The following MAN2C1 variants were observed in gnomAD, a reference collection of about 807,000 sequenced individuals.
MAN2C1 encodes the protein mannosidase alpha class 2C member 1, also known as alpha-mannosidase 2C1.
Under a neutral mutation model 126.9 loss-of-function variants are expected in MAN2C1, and 111 were observed. The ratio of observed to expected loss-of-function variants is 0.87; its 90% CI spans 0.75 to 1.02. The LOEUF (loss-of-function observed/expected upper bound fraction) is 1.02. Among genes scored for constraint, MAN2C1 ranks in the 50% least tolerant of loss-of-function variants. MAN2C1 has a pLI of 0.00. For synonymous variants in MAN2C1, 567 were observed against 561.5 expected, an observed-to-expected ratio of 1.01 and a Z score of -0.14; for missense variants, 1,363 against 1,364.4, an observed-to-expected ratio of 1.00 and a Z score of 0.02.
rs754801214 is a variant in MAN2C1 at position 75,361,805 on chromosome 15, G to C, written c.1101+50C>G. 9 of 1,599,610 alleles carry C rather than the reference G, an allele frequency of 5.6e-6. 1 individual carries two copies. In the South Asian group the frequency reaches 9.9e-5, roughly 18 times the overall value. On this transcript the variant is annotated intron_variant, in intron 9 of 25. Transcript: ENST00000267978. This position sits in a 1 kb window ranked among gnomAD's most constrained non-coding sequence, Gnocchi z 5.0. ...CCTCAGCCCCTCAGCACTCCAAGTC[G>C]AGCGCCAGCCCCACTCGCCCACAGC...
Position 75,359,068 on chromosome 15 carries a change from G to T in MAN2C1, c.2132C>A (p.Ala711Asp). 1 of 1,613,778 alleles carries T rather than the reference G, an allele frequency of 6.2e-7. No individual in the cohort carries two copies. Among genetic ancestry groups the T allele is most frequent in the East Asian group, 2.2e-5 (1 of 44,898 alleles). The change falls in exon 18 of 26, where the codon GCC (alanine) becomes GAC (aspartate). Residue 711 changes from alanine to aspartate, a missense_variant. Transcript: ENST00000267978. ...TGRLTSLVLV[A>D]SGREAIAEGA... is the part of the protein sequence containing the mutation. The stretch of plus-strand genomic sequence containing the variant: ...AATGAGGATTTGGCACCTGCCAGAG[G>T]CCACCAGGACCAAGGACGTCAGGCG...
chr15:75,359,744 G>A lies in MAN2C1; in HGVS notation c.1824C>T (p.Ser608=), dbSNP rs183686045. Residue 608 remains serine, a synonymous_variant, in exon 16 of 26, where the codon AGC becomes AGT. Transcript: ENST00000267978. ...DIRSHGNTLL[S]AAAAALCAGE... is the part of the protein sequence containing the mutation. ...CAGCACACAGGGCTGCGGCTGCAGC[G>A]CTGAGCAGTGTATTGCCATGGGAAC... 5.0e-4 allele frequency: 805 copies of A among 1,613,954 alleles called. 6 individuals carry two copies. The highest frequency in any genetic ancestry group is 2.8e-5 in the Non-Finnish European group (33 of 1,180,020).
rs748079040 is a variant in MAN2C1 at position 75,368,063 on chromosome 15, C to T, written c.227+10G>A. 1 of 1,601,506 alleles carries T rather than the reference C, an allele frequency of 6.2e-7. No homozygotes were observed. The highest frequency in any genetic ancestry group is 8.5e-7 in the Non-Finnish European group (1 of 1,175,586). The stretch of plus-strand genomic sequence containing the variant: ...CCTGTGGCCCCGCCCACCCGCTGGG[C>T]GTTACCTACGTGGGTCCGAAGCTGT... On this transcript the variant is annotated intron_variant, in intron 2 of 25. Coordinates refer to ENST00000267978, the MANE Select transcript of MAN2C1 (RefSeq NM_006715.4).
At position 75,361,628 on chromosome 15, in the gene MAN2C1, G is replaced by C. The variant is rs1472455614; in HGVS notation, c.1194C>G (p.Ser398Arg). 2 of 1,613,966 alleles carry C rather than the reference G, an allele frequency of 1.2e-6. No homozygotes were observed. Among genetic ancestry groups the C allele is most frequent in the Admixed American group, 1.7e-5 (1 of 60,026 alleles). Residue 398 changes from serine to arginine, a missense_variant, in exon 10 of 26, where the codon AGC (serine) becomes AGG (arginine). By Grantham distance (110) the Ser-to-Arg change is moderately radical (BLOSUM62 -1). This residue lies in a region of MAN2C1 where 628 missense variants were observed against 609.8 expected (regional missense o/e 1.03). Coordinates refer to ENST00000267978, the MANE Select transcript of MAN2C1 (RefSeq NM_006715.4). The surrounding 1 kb of genome is among the most constrained non-coding windows in gnomAD (Gnocchi z 5.0). Reference sequence around the variant, plus strand: ...CTGGGAAGGAGTTCACCAAATTCCAGCTCAATTTCTGGGTGAGAAAGCGCC... The same window carrying C: ...CTGGGAAGGAGTTCACCAAATTCCACCTCAATTTCTGGGTGAGAAAGCGCC... Reference protein sequence around the residue: ...GIRRFLTQKLSWNLVNSFPHH... With the variant: ...GIRRFLTQKLRWNLVNSFPHH...
At chr15:75,364,800 C>G in intron 4 of MAN2C1, 135 bp from the exon 5 acceptor site, 1 of 694,438 alleles carries the variant, frequency 1.4e-6, no homozygotes, top group Non-Finnish European at 2.3e-6. Context: ...GAGGATCCCA[C>G]AGTGTGACAA....
chr15:75,365,042 C>G (rs976894043), intron 4 of MAN2C1, among the ~76,000 whole-genome samples: 1 of 152,230 alleles, frequency 6.6e-6, no homozygotes, highest in African/African-American at 2.4e-5. Context: ...AAAACCAACA[C>G]GGCCAACATG....
chr15:75,356,319 TACGACCGCGGGTGAAGACACGGAAA>T lies in MAN2C1; in HGVS notation c.2843_2867del (p.Phe948TyrfsTer19). 1 of 1,611,122 alleles carries T rather than the reference TACGACCGCGGGTGAAGACACGGAAA, an allele frequency of 6.2e-7. No homozygotes were observed. The highest frequency in any genetic ancestry group is 1.1e-5 in the South Asian group (1 of 90,790). Reference sequence around the variant, plus strand: ...CCCTTGCCTGCTTGACGGTCTCCAATACGACCGCGGGTGAAGACACGGAAAACGCACTCCAGGAGGTGGCGGGCGC... The same window carrying T: ...CCCTTGCCTGCTTGACGGTCTCCAATACGCACTCCAGGAGGTGGCGGGCGC... On this transcript the variant is annotated frameshift_variant, in exon 24 of 26. Transcript: ENST00000267978. LOFTEE classifies it high-confidence loss of function. This position sits in a 1 kb window ranked among gnomAD's most constrained non-coding sequence, Gnocchi z 5.8.
At chr15:75,360,980 AG>A in intron 12 of MAN2C1, 65 bp downstream of exon 12, 1 of 1,543,332 alleles carries the variant, frequency 6.5e-7, no homozygotes, top group Non-Finnish European at 8.8e-7. Flanking sequence ...CCAATGTCTG[AG>A]GGAAGGCAGG....
At position 75,361,127 on chromosome 15, in the gene MAN2C1, C is replaced by A; in HGVS notation, c.1379G>T (p.Gly460Val). The A allele has an allele frequency of 2.5e-6, 4 of 1,613,430 alleles. No individual in the cohort carries two copies. Among genetic ancestry groups the A allele is most frequent in the Non-Finnish European group, 3.4e-6 (4 of 1,179,810 alleles). Residue 460 changes from glycine to valine, a missense_variant, in exon 12 of 26, where the codon GGC (glycine) becomes GTC (valine). Around this residue, in one of 3 missense-constraint regions of MAN2C1, gnomAD observed 628 missense variants for 609.8 expected, o/e 1.03. Coordinates refer to ENST00000267978, the MANE Select transcript of MAN2C1 (RefSeq NM_006715.4). This position sits in a 1 kb window ranked among gnomAD's most constrained non-coding sequence, Gnocchi z 5.0. ...GRANHSAFLFGFGDGGGGPTQ... is the reference protein window; with the variant it reads ...GRANHSAFLFVFGDGGGGPTQ... ...GGGGCCACCACCCCCATCCCCAAAG[C>A]CAAAGAGGAAGGCACTGTGGTTGGC...
Position 75,361,522 on chromosome 15 carries a change from A to AC in MAN2C1, c.1218+81dup, listed in dbSNP as rs1364942642. On this transcript the variant is annotated intron_variant, in intron 10 of 25. Transcript: ENST00000267978. The surrounding 1 kb of genome is among the most constrained non-coding windows in gnomAD (Gnocchi z 5.0). Reference sequence around the variant, plus strand: ...GTGAGGGTTTGGTGGTCTGTCTAGGACCCCACAATAAGGGGGAGAGGCAAA... The same window carrying AC: ...GTGAGGGTTTGGTGGTCTGTCTAGGACCCCCACAATAAGGGGGAGAGGCAAA... 2 of 1,293,572 alleles carry AC rather than the reference A, an allele frequency of 1.5e-6. No individual in the cohort carries two copies. Among genetic ancestry groups the AC allele is most frequent in the Non-Finnish European group, 2.2e-6 (2 of 890,278 alleles). 80.1% of individuals were successfully genotyped at this position (1,293,572 alleles called of 1,614,324 possible). A position where few individuals can be genotyped will look rare whatever the true frequency, so the allele number is the denominator to read the frequency against.
chr15:75,360,017 G>A, intron 14 of MAN2C1, 29 bp from the exon 15 acceptor site: 1 of 1,614,076 alleles, frequency 6.2e-7, no homozygotes, highest in Non-Finnish European at 8.5e-7. Flanking sequence ...GGGATGGGAA[G>A]GCTGGGAGGG....
chr15:75,364,289 A>G, intron 5 of MAN2C1, 101 bp from the exon 6 acceptor site: 1 of 1,359,338 alleles, frequency 7.4e-7, no homozygotes, highest in Non-Finnish European at 9.8e-7. Context: ...CTGACCCCCA[A>G]CCCTTTTTCC....
chr15:75,361,624 T>C lies in MAN2C1; in HGVS notation c.1198A>G (p.Asn400Asp). The C allele has an allele frequency of 6.2e-7, 1 of 1,613,848 alleles. No homozygotes were observed. Among genetic ancestry groups the C allele is most frequent in the Non-Finnish European group, 8.5e-7 (1 of 1,179,940 alleles). ...CTTACTGGGAAGGAGTTCACCAAAT[T>C]CCAGCTCAATTTCTGGGTGAGAAAG... Reference protein sequence around the residue: ...RRFLTQKLSWNLVNSFPHHTF... With the variant: ...RRFLTQKLSWDLVNSFPHHTF... Residue 400 changes from asparagine (N) to aspartate (D), a missense_variant, in exon 10 of 26, where the codon AAT (asparagine) becomes GAT (aspartate). This residue lies in a region of MAN2C1 where 628 missense variants were observed against 609.8 expected (regional missense o/e 1.03). Coordinates refer to ENST00000267978, the MANE Select transcript of MAN2C1 (RefSeq NM_006715.4). This position sits in a 1 kb window ranked among gnomAD's most constrained non-coding sequence, Gnocchi z 5.0.
Position 75,361,535 on chromosome 15 carries a change from G to C in MAN2C1, c.1218+69C>G. 1 of 1,353,270 alleles carries C rather than the reference G, an allele frequency of 7.4e-7. No individual in the cohort carries two copies. The highest frequency in any genetic ancestry group is 1.2e-5 in the South Asian group (1 of 85,328). 83.8% of individuals were successfully genotyped at this position (1,353,270 alleles called of 1,614,324 possible). ...GGTCTGTCTAGGACCCCACAATAAG[G>C]GGGAGAGGCAAATGGGCCAGGCGGG... On this transcript the variant is annotated intron_variant, in intron 10 of 25. Transcript: ENST00000267978. This position sits in a 1 kb window ranked among gnomAD's most constrained non-coding sequence, Gnocchi z 5.0.
rs2072446753 is a variant in MAN2C1 at position 75,360,590 on chromosome 15, T to C, written c.1559A>G (p.Asn520Ser). 3 of 1,613,802 alleles carry C rather than the reference T, an allele frequency of 1.9e-6. No homozygotes were observed. Among genetic ancestry groups the C allele is most frequent in the East Asian group, 2.2e-5 (1 of 44,854 alleles). Residue 520 changes from asparagine (N) to serine (S), a missense_variant, in exon 13 of 26, where the codon AAT becomes AGT. Transcript: ENST00000267978. ...WVGELFLELH[N>S]GTYTTHAQIK... is the part of the protein sequence containing the mutation. ...CTGGGCATGGGTGGTGTATGTGCCA[T>C]TGTGCAGCTCCAAGAAGAGCTCCCC... is the stretch of plus-strand genomic sequence containing the variant.
chr15:75,357,388 C>T (rs2072350274), intron 21 of MAN2C1: 1 of 157,978 alleles, frequency 6.3e-6, no homozygotes, highest in Admixed American at 6.1e-5. Flanking sequence ...TCACTGCAAC[C>T]TCCGCCTAAA....
In MAN2C1 at chr15:75,361,703, G is replaced by A. The variant is rs2072473498; in HGVS notation, c.1119C>T (p.Thr373=). 1.2e-6 allele frequency: 2 copies of A among 1,613,954 alleles called. No homozygotes were observed. Among genetic ancestry groups the A allele is most frequent in the African/African-American group, 2.7e-5 (2 of 75,024 alleles). ...KMCSEFWLPD[T]FGYSAQLPQI... is the part of the protein sequence containing the mutation. ...GGGGGAGCTGTGCTGAGTAGCCAAA[G>A]GTGTCCGGCAGCCAGAACTGTGGAG... The change falls in exon 10 of 26, where the codon ACC becomes ACT. Residue 373 remains threonine (T), a synonymous_variant. Transcript: ENST00000267978. This position sits in a 1 kb window ranked among gnomAD's most constrained non-coding sequence, Gnocchi z 5.0.
At chr15:75,368,459 G>C (rs2072636802) in intron 1 of MAN2C1, 24 bp downstream of exon 1, 14 of 1,541,074 alleles carry the variant, frequency 9.1e-6, no homozygotes, top group Non-Finnish European at 8.8e-6. Flanking sequence ...CGGTCGGCCG[G>C]CTGCGGGGGA....
chr15:75,363,315 T>C (rs2072513215), intron 6 of MAN2C1: 1 of 455,940 alleles, frequency 2.2e-6, no homozygotes, highest in Non-Finnish European at 4.4e-6. Flanking sequence ...GGATTTCCCG[T>C]AAAACTCAGA....
Sources: gnomAD v4.1 joint callset for allele counts (sites outside exome capture counted in the v4.1 genomes callset) on GRCh38, gnomAD v4.1.1 for gene constraint, gnomAD v4.1.1 regional missense constraint, Gnocchi (gnomAD v3.1) non-coding constraint, MANE v1.5 for transcripts, NCBI Gene and HGNC (gene_info 2026-07-23, HGNC 2026-07-21) for gene names.